PTPRD: variants seen among roughly 807,000 people sequenced by gnomAD.
PTPRD encodes receptor-type tyrosine-protein phosphatase delta.
Under a neutral mutation model 214.5 loss-of-function variants are expected in PTPRD, and 34 were observed. The ratio of observed to expected loss-of-function variants is 0.16; its 90% confidence interval spans 0.12 to 0.21. The LOEUF is 0.21. PTPRD is among the 10% of genes least tolerant of loss of function. PTPRD has a pLI of 1.00. For synonymous variants in PTPRD, 1,128 were observed against 845.7 expected (o/e 1.33, Z -5.79); for missense variants, 2,545 against 2,398.7 (o/e 1.06, Z -1.27).
intron 3 of PTPRD, among the ~76,000 whole-genome samples, chr9:10,187,590 A>G (rs954690630): frequency 6.6e-6 from 1 of 152,182 alleles, no homozygotes; most frequent in African/African-American, 2.4e-5. Flanking sequence ...TACTAACACC[A>G]TATTTCTAAA....
chr9:8,480,543 G>A (rs895749284), intron 30 of PTPRD, among the ~76,000 whole-genome samples: 1 of 152,126 alleles, frequency 6.6e-6, no homozygotes, highest in African/African-American at 2.4e-5. Flanking sequence ...AAACATTAAC[G>A]TTGACTATTA....
At chr9:9,476,222 A>G (rs376461691) in intron 8 of PTPRD, among the ~76,000 whole-genome samples, 5 of 152,148 alleles carry the variant, frequency 3.3e-5, no homozygotes, top group Non-Finnish European at 7.3e-5. Flanking sequence ...TCTCTTCTTG[A>G]TGTATAAACT....
At chr9:8,516,629 G>C (rs1464376709) in intron 21 of PTPRD, among the ~76,000 whole-genome samples, 1 of 151,968 alleles carries the variant, frequency 6.6e-6, no homozygotes, top group Non-Finnish European at 1.5e-5. Context: ...GCCAGGATTA[G>C]CAATGAGTTA....
chr9:10,238,145 CCATACAAATTGGGGTCATTTTGTCATA>C (rs56727437), intron 3 of PTPRD, among the ~76,000 whole-genome samples: 63,542 of 151,318 alleles, frequency 0.42, 14,583 homozygotes, highest in East Asian at 0.61. Flanking sequence ...TGAAAGCTGA[CCATACAAATTGGGGTCATTTTGTCATA>C]CCTGCTCTAA....
intron 14 of PTPRD, among the ~76,000 whole-genome samples, chr9:8,566,848 T>C (rs1418245807): frequency 6.6e-6 from 1 of 152,164 alleles, no homozygotes; most frequent in East Asian, 1.9e-4. Context: ...AATGTTGCAG[T>C]TCTCAAAAAG....
At chr9:8,403,874 C>G (rs900459215) in intron 36 of PTPRD, among the ~76,000 whole-genome samples, 2 of 152,128 alleles carry the variant, frequency 1.3e-5, no homozygotes, top group Non-Finnish European at 2.9e-5. Flanking sequence ...TTAAAATAAC[C>G]ATTTAGTTTA....
chr9:10,207,370 G>C (rs1050492758), intron 3 of PTPRD, among the ~76,000 whole-genome samples: 1 of 151,948 alleles, frequency 6.6e-6, no homozygotes, highest in Non-Finnish European at 1.5e-5. Context: ...AGAGACATTG[G>C]TCTGTAATTT....
chr9:8,656,191 C>G (rs1328177612), intron 12 of PTPRD, among the ~76,000 whole-genome samples: 1 of 152,186 alleles, frequency 6.6e-6, no homozygotes, highest in Non-Finnish European at 1.5e-5. Context: ...GATCCTGAAT[C>G]AGAATGGCAC....
intron 3 of PTPRD, among the ~76,000 whole-genome samples, chr9:10,116,853 G>C (rs2098734525): frequency 1.3e-5 from 2 of 151,986 alleles, no homozygotes; most frequent in Admixed American, 1.3e-4. Flanking sequence ...GGGAGCCTTT[G>C]CACTTGCTCT....
chr9:10,018,281 G>C (rs1306623611), intron 4 of PTPRD, among the ~76,000 whole-genome samples: 1 of 151,800 alleles, frequency 6.6e-6, no homozygotes, highest in African/African-American at 2.4e-5. Context: ...GTTTTGATTG[G>C]GATTTTTCCC....
intron 2 of PTPRD, among the ~76,000 whole-genome samples, chr9:10,481,914 T>C (rs2132191023): frequency 1.3e-5 from 2 of 152,110 alleles, no homozygotes; most frequent in South Asian, 4.1e-4. Flanking sequence ...AAGTGTAAAA[T>C]ATAAGCTTAA....
At chr9:10,574,740 T>C (rs1459898865) in intron 2 of PTPRD, among the ~76,000 whole-genome samples, 2 of 150,716 alleles carry the variant, frequency 1.3e-5, no homozygotes, top group Non-Finnish European at 3.0e-5. Flanking sequence ...TTACATTAGA[T>C]AAATTATAAA....
At chr9:8,571,522 T>C (rs2091146482) in intron 14 of PTPRD, among the ~76,000 whole-genome samples, 1 of 152,122 alleles carries the variant, frequency 6.6e-6, no homozygotes, top group African/African-American at 2.4e-5. Flanking sequence ...AAATAAGCAT[T>C]TTGCCTAGTT....
At chr9:8,361,803 T>A (rs1269590790) in intron 39 of PTPRD, among the ~76,000 whole-genome samples, 1 of 149,102 alleles carries the variant, frequency 6.7e-6, no homozygotes, top group African/African-American at 2.6e-5. Flanking sequence ...CTAAAAAAAA[T>A]TCTGAAAAAA....
At chr9:10,473,620 T>A (rs1178380311) in intron 2 of PTPRD, among the ~76,000 whole-genome samples, 1 of 152,076 alleles carries the variant, frequency 6.6e-6, no homozygotes, top group African/African-American at 2.4e-5. Flanking sequence ...GATTTTTGAG[T>A]AGGTACATCA....
intron 11 of PTPRD, among the ~76,000 whole-genome samples, chr9:8,863,571 C>T (rs1205217531): frequency 2.0e-5 from 3 of 152,158 alleles, no homozygotes; most frequent in Non-Finnish European, 4.4e-5. Flanking sequence ...ATACATTAAG[C>T]AGTGGATTTC....
At chr9:10,180,743 T>C (rs912696263) in intron 3 of PTPRD, among the ~76,000 whole-genome samples, 2 of 151,842 alleles carry the variant, frequency 1.3e-5, no homozygotes, top group Non-Finnish European at 2.9e-5. Flanking sequence ...ATCCCAGAAA[T>C]GCAAAGGTGA....
At chr9:10,244,333 T>C (rs913222470) in intron 3 of PTPRD, among the ~76,000 whole-genome samples, 1 of 152,132 alleles carries the variant, frequency 6.6e-6, no homozygotes, top group Non-Finnish European at 1.5e-5. Flanking sequence ...ATTTATGCAG[T>C]CTGCCTCTCT....
At chr9:9,284,376 A>G (rs1039929722) in intron 9 of PTPRD, among the ~76,000 whole-genome samples, 6 of 151,628 alleles carry the variant, frequency 4.0e-5, no homozygotes, top group African/African-American at 1.5e-4. Flanking sequence ...GACTCCTGCC[A>G]TGGTTGTAAG....
Sources: allele counts gnomAD v4.1 joint callset (sites outside exome capture counted in the v4.1 genomes callset), GRCh38; gene constraint gnomAD v4.1.1; transcripts MANE v1.5; gene names NCBI Gene and HGNC (gene_info 2026-07-23, HGNC 2026-07-21).